WNT4: variants seen among roughly 807,000 people sequenced by gnomAD.
WNT4 encodes the protein protein Wnt-4.
A neutral mutation model predicts 34.5 loss-of-function variants in WNT4; 16 were observed. The observed-to-expected ratio is 0.46, with a 90% CI of 0.31 to 0.70. The LOEUF is 0.70. Ranked by LOEUF, WNT4 falls within the 30% of genes least tolerant of loss-of-function variation. The pLI is 0.04. For synonymous variants in WNT4, 200 were observed against 211.9 expected (o/e 0.94, Z 0.49); for missense variants, 379 against 495.9 (o/e 0.76, Z 2.24).
chr1:22,127,910 G>C (rs1645952626), intron 2 of WNT4, among the ~76,000 whole-genome samples: 1 of 152,148 alleles, frequency 6.6e-6, no homozygotes, highest in South Asian at 2.1e-4. Flanking sequence ...GCAAAGGGAG[G>C]AGTGAGAGAG....
At chr1:22,130,713 G>T (rs1645976769) in intron 1 of WNT4, among the ~76,000 whole-genome samples, 1 of 152,222 alleles carries the variant, frequency 6.6e-6, no homozygotes. Flanking sequence ...CTGAGTGGAG[G>T]AACTGCTACC....
Position 22,134,678 on chromosome 1 carries a change from T to A in WNT4, c.78-4827A>T, listed in dbSNP as rs1184934457. ...GCAGGAGGCCTAAATGAATGAAATC[T>A]GTGTGCAGGAGATGCTCGTCCCTGC... On this transcript the variant is annotated intron_variant, in intron 1 of 4. Transcript: ENST00000290167. This position sits in a 1 kb window ranked among gnomAD's most constrained non-coding sequence, Gnocchi z 4.1. Among the ~76,000 whole-genome samples the A allele has an allele frequency of 6.6e-6, 1 of 152,184 alleles. No homozygotes were observed. Among genetic ancestry groups the A allele is most frequent in the East Asian group, 1.9e-4 (1 of 5,198 alleles).
rs905489607 is a variant in WNT4 at position 22,140,009 on chromosome 1, C to T, written c.77+2837G>A. Among the ~76,000 whole-genome samples, 3 of 152,374 alleles carry T rather than the reference C, an allele frequency of 2.0e-5. No homozygotes were observed. The highest frequency in any genetic ancestry group is 2.9e-5 in the Non-Finnish European group (2 of 68,030). On this transcript the variant is annotated intron_variant, in intron 1 of 4. Transcript: ENST00000290167. This position sits in a 1 kb window ranked among gnomAD's most constrained non-coding sequence, Gnocchi z 5.9. ...GGCTCCATCCTGCCCAACAGCTGCA[C>T]GCGGCGGGACACCTGGCCTCCCCAC...
chr1:22,142,860 G>T lies in WNT4; in HGVS notation c.63C>A (p.Ala21=). 8.3e-7 allele frequency: 1 copy of T among 1,211,208 alleles called. No homozygotes were observed. The highest frequency in any genetic ancestry group is 1.1e-6 in the Non-Finnish European group (1 of 946,642). 75.0% of individuals were successfully genotyped at this position (1,211,208 alleles called of 1,614,324 possible). The change falls in exon 1 of 5, where the codon GCC becomes GCA. Residue 21 remains alanine, a synonymous_variant. Transcript: ENST00000290167. This position sits in a 1 kb window ranked among gnomAD's most constrained non-coding sequence, Gnocchi z 6.0. ...RLLVFAVFSA[A]ASNWLYLAKL... ...GCCAGACTTACAGCCAGTTGCTCGC[G>T]GCGGCTGAGAAGACGGCGAAGACGA...
chr1:22,120,107 GC>G lies in WNT4; in HGVS notation c.998del (p.Cys333SerfsTer31). 6.2e-7 allele frequency: 1 copy of G among 1,612,956 alleles called. No individual in the cohort carries two copies. Among genetic ancestry groups the G allele is most frequent in the Non-Finnish European group, 8.5e-7 (1 of 1,179,808 alleles). ...GGCACTGCCGGCACTTGACGAAGCAGCACCAGTGGAATTTGCAGCTGCAGCG... is the reference window on the plus strand; with the variant it reads ...GGCACTGCCGGCACTTGACGAAGCAGACCAGTGGAATTTGCAGCTGCAGCG... The part of the protein sequence containing the change: ...AERCSCKFHW[C>X]CFVKCRQCQR... On this transcript the variant is annotated frameshift_variant, in exon 5 of 5. Transcript: ENST00000290167. LOFTEE classifies it high-confidence loss of function.
At chr1:22,136,048 T>C (rs1646019300) in intron 1 of WNT4, among the ~76,000 whole-genome samples, 1 of 152,174 alleles carries the variant, frequency 6.6e-6, no homozygotes, top group Admixed American at 6.5e-5. Context: ...TCCTGAGGGC[T>C]CTGTGTCCCC....
chr1:22,136,881 G>A (rs928128062), intron 1 of WNT4, among the ~76,000 whole-genome samples: 1 of 152,178 alleles, frequency 6.6e-6, no homozygotes, highest in Non-Finnish European at 1.5e-5. Flanking sequence ...GGAACAGCTG[G>A]GCACCCGACT....
chr1:22,127,264 A>G, intron 2 of WNT4: 1 of 515,762 alleles, frequency 1.9e-6, no homozygotes, highest in Non-Finnish European at 4.0e-6. Flanking sequence ...CCTAGTAGGA[A>G]TCTCAGTGTC....
chr1:22,134,147 C>T lies in WNT4; in HGVS notation c.78-4296G>A, dbSNP rs1646004428. Among the ~76,000 whole-genome samples the T allele has an allele frequency of 6.6e-6, 1 of 152,190 alleles. No individual in the cohort carries two copies. Among genetic ancestry groups the T allele is most frequent in the Non-Finnish European group, 1.5e-5 (1 of 68,022 alleles). On this transcript the variant is annotated intron_variant, in intron 1 of 4. Transcript: ENST00000290167. This position sits in a 1 kb window ranked among gnomAD's most constrained non-coding sequence, Gnocchi z 4.1. ...CCAGGTGGGGGCTGGGACGCCAGCG[C>T]AGGCCTCTCTGCCCCCTCCCTTTGG... is the stretch of plus-strand genomic sequence containing the variant.
In WNT4 at chr1:22,118,524, G is replaced by A. The variant is rs1225307818; in HGVS notation, c.*1526C>T. The A allele has an allele frequency of 6.6e-6, 1 of 152,404 alleles. No homozygotes were observed. Among genetic ancestry groups the A allele is most frequent in the East Asian group, 1.9e-4 (1 of 5,200 alleles). The allele number at this position is 152,404 out of a possible 1,614,324, so 9.4% of individuals were successfully genotyped here. Reference sequence around the variant, plus strand: ...GCCCAGGTTGCTGGTGCTGTCTCTTGGGAAATCTTGCAGTACCTATGGTAC... The same window carrying A: ...GCCCAGGTTGCTGGTGCTGTCTCTTAGGAAATCTTGCAGTACCTATGGTAC... On this transcript the variant is annotated 3_prime_UTR_variant, in exon 5 of 5. Coordinates refer to ENST00000290167, the MANE Select transcript of WNT4 (RefSeq NM_030761.5).
In WNT4 at chr1:22,134,081, G is replaced by A. The variant is rs1646003752; in HGVS notation, c.78-4230C>T. On this transcript the variant is annotated intron_variant, in intron 1 of 4. Transcript: ENST00000290167. This position sits in a 1 kb window ranked among gnomAD's most constrained non-coding sequence, Gnocchi z 4.1. The stretch of plus-strand genomic sequence containing the variant: ...GGGAAATAGCTGGAGCGTTTGGGAG[G>A]CCAAGCAGATCAGTGTCGTGGGTCC... Among the ~76,000 whole-genome samples the A allele has an allele frequency of 6.6e-6, 1 of 152,252 alleles. No homozygotes were observed. Among genetic ancestry groups the A allele is most frequent in the Admixed American group, 6.5e-5 (1 of 15,288 alleles).
intron 1 of WNT4, among the ~76,000 whole-genome samples, chr1:22,133,817 C>T (rs985281751): frequency 6.6e-6 from 1 of 152,250 alleles, no homozygotes; most frequent in African/African-American, 2.4e-5. Context: ...CCCAGGAGGC[C>T]CTCCCCGAGC....
Position 22,120,207 on chromosome 1 carries a change from G to A in WNT4, c.899C>T (p.Ser300Phe), listed in dbSNP as rs1313993550. 6.2e-7 allele frequency: 1 copy of A among 1,613,874 alleles called. No individual in the cohort carries two copies. ...CAGCTCACAGCCGTCGATGGCCTTG[G>A]ACGTCTTGTTGCATGTGCGGCCCCT... Reference protein sequence around the residue: ...GTRGRTCNKTSKAIDGCELLC... With the variant: ...GTRGRTCNKTFKAIDGCELLC... Residue 300 changes from serine to phenylalanine, a missense_variant, in exon 5 of 5, where the codon TCC becomes TTC. By Grantham distance (155) the Ser-to-Phe change is radical. Coordinates refer to ENST00000290167, the MANE Select transcript of WNT4 (RefSeq NM_030761.5).
In WNT4 at chr1:22,139,755, A is replaced by G. The variant is rs1308875295; in HGVS notation, c.77+3091T>C. Among the ~76,000 whole-genome samples, 1 of 152,120 alleles carries G rather than the reference A, an allele frequency of 6.6e-6. No individual in the cohort carries two copies. Among genetic ancestry groups the G allele is most frequent in the African/African-American group, 2.4e-5 (1 of 41,416 alleles). On this transcript the variant is annotated intron_variant, in intron 1 of 4. Coordinates refer to ENST00000290167, the MANE Select transcript of WNT4 (RefSeq NM_030761.5). The surrounding 1 kb of genome is among the most constrained non-coding windows in gnomAD (Gnocchi z 4.6). ...CTCCCGGTACAGCCTCAGTGCAGGG[A>G]AGAGGGGACATTAGAAACATTTCTG...
intron 1 of WNT4, among the ~76,000 whole-genome samples, chr1:22,138,452 C>T (rs1351371744): frequency 3.3e-5 from 5 of 151,966 alleles, no homozygotes; most frequent in Admixed American, 6.6e-5. Context: ...TTTGTCCTTT[C>T]GCTTGGGGGG....
At chr1:22,141,736 T>C (rs114201255) in intron 1 of WNT4, among the ~76,000 whole-genome samples, 1,786 of 152,150 alleles carry the variant, frequency 0.012, 41 homozygotes, top group African/African-American at 0.04. Flanking sequence ...AATGACCTCA[T>C]AGCAACAGCC....
intron 2 of WNT4, chr1:22,127,179 CA>C (rs1645946689): frequency 2.4e-6 from 1 of 419,836 alleles, no homozygotes; most frequent in Admixed American, 2.6e-5. Context: ...GGCACCTTGA[CA>C]TGTCCCTCTC....
intron 2 of WNT4, among the ~76,000 whole-genome samples, chr1:22,125,118 C>A (rs1235379304): frequency 6.6e-6 from 1 of 152,212 alleles, no homozygotes; most frequent in East Asian, 1.9e-4. Context: ...TGTGACCTTT[C>A]TTTCTGAGCC....
In WNT4 at chr1:22,142,774, G is replaced by T. The variant is rs1204289257; in HGVS notation, c.77+72C>A. 4.1e-6 allele frequency: 4 copies of T among 967,946 alleles called. No homozygotes were observed. The African/African-American group carries it at 7.1e-5, about 17-fold the overall frequency. The allele number at this position is 967,946 out of a possible 1,614,324, so 60.0% of individuals were successfully genotyped here. On this transcript the variant is annotated intron_variant, in intron 1 of 4. Transcript: ENST00000290167. This position sits in a 1 kb window ranked among gnomAD's most constrained non-coding sequence, Gnocchi z 6.0. Reference sequence around the variant, plus strand: ...TGCCCCGCGCCCGCTGCCCCGCGCCGCCTGGCACCGGCCGCTGCCCCCGGG... The same window carrying T: ...TGCCCCGCGCCCGCTGCCCCGCGCCTCCTGGCACCGGCCGCTGCCCCCGGG...
Sources: allele counts gnomAD v4.1 joint callset (sites outside exome capture counted in the v4.1 genomes callset), GRCh38; gene constraint gnomAD v4.1.1; non-coding constraint Gnocchi (gnomAD v3.1); transcripts MANE v1.5; gene names NCBI Gene and HGNC (gene_info 2026-07-23, HGNC 2026-07-21).